Variants in EPHA1 observed in about 807,000 individuals in gnomAD.
EPHA1 encodes EPH receptor A1.
EPHA1 carries 92 observed loss-of-function variants against 110.1 expected under a neutral mutation model. The ratio of observed to expected loss-of-function variants is 0.84; its 90% CI spans 0.71 to 0.99. The LOEUF (loss-of-function observed/expected upper bound fraction) is 0.99, where lower values mean the gene tolerates loss of function less well. EPHA1 is among the 50% of genes least tolerant of loss of function. The pLI, the probability that EPHA1 is intolerant of heterozygous loss-of-function variation, is 0.00. For synonymous variants in EPHA1, 500 were observed against 516.1 expected (o/e 0.97, Z 0.42); for missense variants, 1,204 against 1,285.4 (o/e 0.94, Z 0.97).
chr7:143,402,636 T>C (rs1805454630), intron 2 of EPHA1, among the ~76,000 whole-genome samples: 1 of 152,210 alleles, frequency 6.6e-6, no homozygotes, highest in Admixed American at 6.5e-5. Context: ...AAAAGAACTT[T>C]TAAACTTAGT....
rs746581251 is a variant in EPHA1 at position 143,394,841 on chromosome 7, G to A, written c.2319C>T (p.Leu773=). Residue 773 remains leucine, a synonymous_variant, in exon 14 of 18, where the codon CTC becomes CTT. Coordinates refer to ENST00000275815, the MANE Select transcript of EPHA1 (RefSeq NM_005232.5). ...CGTATGTGCCATCAAAGTCATCCAG[G>A]AGGCGAGTCAGGCCAAAGTCAGACA... is the stretch of plus-strand genomic sequence containing the variant. ...CKVSDFGLTR[L]LDDFDGTYET... 1.2e-6 allele frequency: 2 copies of A among 1,614,150 alleles called. No individual in the cohort carries two copies. Among genetic ancestry groups the A allele is most frequent in the East Asian group, 4.5e-5 (2 of 44,886 alleles).
In EPHA1 at chr7:143,393,712, G is replaced by A. The variant is rs1429451723; in HGVS notation, c.2655C>T (p.Ala885=). The A allele has an allele frequency of 1.9e-6, 3 of 1,613,818 alleles. No homozygotes were observed. The highest frequency in any genetic ancestry group is 2.5e-6 in the Non-Finnish European group (3 of 1,179,982). Residue 885 remains alanine, a synonymous_variant, in exon 16 of 18, where the codon GCC becomes GCT. Coordinates refer to ENST00000275815, the MANE Select transcript of EPHA1 (RefSeq NM_005232.5). This position sits in a 1 kb window ranked among gnomAD's most constrained non-coding sequence, Gnocchi z 5.6. Reference sequence around the variant, plus strand: ...CAATGGTCCGCAGGGAGTGGGGGTTGGCAAGCAGTTGCTCCAGATGTGCCT... The same window carrying A: ...CAATGGTCCGCAGGGAGTGGGGGTTAGCAAGCAGTTGCTCCAGATGTGCCT... ...KLQAHLEQLL[A]NPHSLRTIAN... is the part of the protein sequence containing the mutation.
chr7:143,393,662 C>T lies in EPHA1; in HGVS notation c.2696+9G>A. ...TCTGGGTTCCCTAGTCCTTCCCCTGCATGGTTACCTGGGGTCAAAGTTGGC... is the reference window on the plus strand; with the variant it reads ...TCTGGGTTCCCTAGTCCTTCCCCTGTATGGTTACCTGGGGTCAAAGTTGGC... On this transcript the variant is annotated intron_variant, in intron 16 of 17. Transcript: ENST00000275815. The surrounding 1 kb of genome is among the most constrained non-coding windows in gnomAD (Gnocchi z 5.6). 6.2e-7 allele frequency: 1 copy of T among 1,612,412 alleles called. No individual in the cohort carries two copies. The highest frequency in any genetic ancestry group is 8.5e-7 in the Non-Finnish European group (1 of 1,179,434).
In EPHA1 at chr7:143,399,892, C is replaced by T. The variant is rs1247923487; in HGVS notation, c.594G>A (p.Arg198=). 1 of 1,609,854 alleles carries T rather than the reference C, an allele frequency of 6.2e-7. No homozygotes were observed. Among genetic ancestry groups the T allele is most frequent in the Non-Finnish European group, 8.5e-7 (1 of 1,178,062 alleles). Residue 198 remains arginine, a synonymous_variant, in exon 4 of 18, where the codon CGG becomes CGA. Transcript: ENST00000275815. Reference sequence around the variant, plus strand: ...TCTCAGGACAGCGCTGGTAGAAGACCCGGACAGACACCAGGGCCACACAGG... The same window carrying T: ...TCTCAGGACAGCGCTGGTAGAAGACTCGGACAGACACCAGGGCCACACAGG... ...PGACVALVSV[R]VFYQRCPETL...
Position 143,408,734 on chromosome 7 carries a change from G to C in EPHA1, c.72C>G (p.Arg24=), listed in dbSNP as rs1305302971. 1.1e-6 allele frequency: 1 copy of C among 933,504 alleles called. No individual in the cohort carries two copies. Among genetic ancestry groups the C allele is most frequent in the Non-Finnish European group, 1.4e-6 (1 of 718,936 alleles). 57.8% of individuals were successfully genotyped at this position (933,504 alleles called of 1,614,324 possible). A position where few individuals can be genotyped will look rare whatever the true frequency, so the allele number is the denominator to read the frequency against. The change falls in exon 1 of 18, where the codon CGC becomes CGG. Residue 24 remains arginine, a synonymous_variant. Transcript: ENST00000275815. The stretch of plus-strand genomic sequence containing the variant: ...GGCGGGGGTCGGTACCTTCCTTGGC[G>C]CGCGCCCCCGGGGGCAGCGGGGCGC... The part of the protein sequence containing the change: ...LLCAPLPPGA[R]AKEVTLMDTS...
rs751261760 is a variant in EPHA1 at position 143,393,871 on chromosome 7, G to C, written c.2503-7C>G. 2.6e-6 allele frequency: 4 copies of C among 1,539,350 alleles called. No homozygotes were observed. Among genetic ancestry groups the C allele is most frequent in the South Asian group, 1.3e-5 (1 of 78,898 alleles). Reference sequence around the variant, plus strand: ...CCTCAATGCTCTTCATAACCTGCACGGCGGGACAGGAGGATGCTCTAGAGT... The same window carrying C: ...CCTCAATGCTCTTCATAACCTGCACCGCGGGACAGGAGGATGCTCTAGAGT... On this transcript the variant is annotated splice_polypyrimidine_tract_variant and splice_region_variant and intron_variant, in intron 15 of 17. Coordinates refer to ENST00000275815, the MANE Select transcript of EPHA1 (RefSeq NM_005232.5). This position sits in a 1 kb window ranked among gnomAD's most constrained non-coding sequence, Gnocchi z 5.6.
At chr7:143,397,061 G>C (rs1805271716) in intron 10 of EPHA1, among the ~76,000 whole-genome samples, 1 of 152,156 alleles carries the variant, frequency 6.6e-6, no homozygotes, top group African/African-American at 2.4e-5. Flanking sequence ...GCAGTGAACG[G>C]ACACTAACAG....
In EPHA1 at chr7:143,401,221, T is replaced by C; in HGVS notation, c.432+103A>G. 6.9e-7 allele frequency: 1 copy of C among 1,439,432 alleles called. No individual in the cohort carries two copies. Among genetic ancestry groups the C allele is most frequent in the East Asian group, 2.3e-5 (1 of 43,800 alleles). The allele number at this position is 1,439,432 out of a possible 1,614,324, so 89.2% of individuals were successfully genotyped here. Reference sequence around the variant, plus strand: ...AAGCGCCAAATTCTTTTCAAGATTCTACCTCTGCACCCTCTTCCTGTCTCT... The same window carrying C: ...AAGCGCCAAATTCTTTTCAAGATTCCACCTCTGCACCCTCTTCCTGTCTCT... On this transcript the variant is annotated intron_variant, in intron 3 of 17. Coordinates refer to ENST00000275815, the MANE Select transcript of EPHA1 (RefSeq NM_005232.5). The surrounding 1 kb of genome is among the most constrained non-coding windows in gnomAD (Gnocchi z 4.1).
Position 143,394,263 on chromosome 7 carries a change from G to A in EPHA1, c.2433C>T (p.Ser811=). ...RIFTTASDVW[S]FGIVMWEVLS... ...GCACCTCCCACATCACAATCCCAAA[G>A]CTCCACACATCGCTGGCTGTGGTGA... The change falls in exon 15 of 18, where the codon AGC becomes AGT. Residue 811 remains serine, a synonymous_variant. Transcript: ENST00000275815. 5 of 1,614,028 alleles carry A rather than the reference G, an allele frequency of 3.1e-6. No homozygotes were observed. Among genetic ancestry groups the A allele is most frequent in the Middle Eastern group, 3.3e-4 (2 of 6,062 alleles).
At chr7:143,404,064 T>C (rs1805485304) in intron 2 of EPHA1, among the ~76,000 whole-genome samples, 1 of 152,222 alleles carries the variant, frequency 6.6e-6, no homozygotes, top group South Asian at 2.1e-4. Context: ...AGTATTTCCC[T>C]TCATGATTTC....
chr7:143,401,248 C>A lies in EPHA1; in HGVS notation c.432+76G>T. 1 of 1,550,502 alleles carries A rather than the reference C, an allele frequency of 6.4e-7. No individual in the cohort carries two copies. Among genetic ancestry groups the A allele is most frequent in the South Asian group, 1.2e-5 (1 of 82,262 alleles). ...CCTCTGCACCCTCTTCCTGTCTCTG[C>A]AACCTTCTCTGGCACCCAATAAGGA... On this transcript the variant is annotated intron_variant, in intron 3 of 17. Transcript: ENST00000275815. The surrounding 1 kb of genome is among the most constrained non-coding windows in gnomAD (Gnocchi z 4.1).
At chr7:143,407,823 G>A in intron 1 of EPHA1, 145 bp from the exon 2 acceptor site, 1 of 676,292 alleles carries the variant, frequency 1.5e-6, no homozygotes, top group South Asian at 1.9e-5. Context: ...GGGAGAAAAA[G>A]GGCTCAGGAC....
In EPHA1 at chr7:143,399,823, G is replaced by A. The variant is rs370645290; in HGVS notation, c.663C>T (p.Pro221=). 1.7e-5 allele frequency: 28 copies of A among 1,610,362 alleles called. No individual in the cohort carries two copies. Among genetic ancestry groups the A allele is most frequent in the South Asian group, 2.2e-5 (2 of 90,636 alleles). Reference sequence around the variant, plus strand: ...TCCCCGCCACTTCCACCAACCCAGCGGGGCCAGGCAGAGTGTCTGGGAATT... The same window carrying A: ...TCCCCGCCACTTCCACCAACCCAGCAGGGCCAGGCAGAGTGTCTGGGAATT... The part of the protein sequence containing the change: ...LAQFPDTLPG[P]AGLVEVAGTC... Residue 221 remains proline (P), a synonymous_variant, in exon 4 of 18, where the codon CCC becomes CCT. Transcript: ENST00000275815.
chr7:143,405,186 C>A (rs112954145), intron 2 of EPHA1, among the ~76,000 whole-genome samples: 2 of 151,948 alleles, frequency 1.3e-5, no homozygotes, highest in East Asian at 3.9e-4. Flanking sequence ...AAGGCACTGG[C>A]GGGGGTCAGG....
chr7:143,391,492 G>C lies in EPHA1; in HGVS notation c.2896C>G (p.Arg966Gly). The stretch of plus-strand genomic sequence containing the variant: ...AATCCCTGAATACTGCAAAGAATGC[G>C]CTTCTGGTGCCCGGGCAGTGTGATT... ...MGITLPGHQKRILCSIQGFKD is the reference protein window; with the variant it reads ...MGITLPGHQKGILCSIQGFKD The change falls in exon 18 of 18, where the codon CGC becomes GGC. Residue 966 changes from arginine (R) to glycine (G), a missense_variant. By Grantham distance (125) the Arg-to-Gly change is moderately radical. Coordinates refer to ENST00000275815, the MANE Select transcript of EPHA1 (RefSeq NM_005232.5). The C allele has an allele frequency of 1.9e-6, 3 of 1,614,170 alleles. No individual in the cohort carries two copies.
At position 143,391,603 on chromosome 7, in the gene EPHA1, C is replaced by T. The variant is rs1244392208; in HGVS notation, c.2852+17G>A. The T allele has an allele frequency of 3.7e-6, 6 of 1,614,072 alleles. No homozygotes were observed. Among genetic ancestry groups the T allele is most frequent in the African/African-American group, 2.7e-5 (2 of 74,942 alleles). On this transcript the variant is annotated intron_variant, in intron 17 of 17. Coordinates refer to ENST00000275815, the MANE Select transcript of EPHA1 (RefSeq NM_005232.5). ...CCCCCGCAGCCCTCCCCTGCCCAGA[C>T]AGCTCCAGCTCCTTACTCAGCGGTC... is the stretch of plus-strand genomic sequence containing the variant.
intron 10 of EPHA1, among the ~76,000 whole-genome samples, chr7:143,396,981 C>T (rs1334504556): frequency 3.3e-5 from 5 of 152,182 alleles, no homozygotes; most frequent in Admixed American, 1.3e-4. Flanking sequence ...CGCCTGGCCT[C>T]GGCCCACAGC....
chr7:143,399,990 G>T lies in EPHA1; in HGVS notation c.496C>A (p.Leu166Met). 6.2e-7 allele frequency: 1 copy of T among 1,613,962 alleles called. No individual in the cohort carries two copies. Among genetic ancestry groups the T allele is most frequent in the Non-Finnish European group, 8.5e-7 (1 of 1,179,980 alleles). Reference sequence around the variant, plus strand: ...CCCAGAGAGCAGCGCTCCACATTCAGCTTCACGGAGCCAGACACAAGGTCT... The same window carrying T: ...CCCAGAGAGCAGCGCTCCACATTCATCTTCACGGAGCCAGACACAAGGTCT... ...IRDLVSGSVK[L>M]NVERCSLGRL... Residue 166 changes from leucine to methionine, a missense_variant, in exon 4 of 18, where the codon CTG becomes ATG. By Grantham distance (15) the Leu-to-Met change is conservative. Transcript: ENST00000275815.
Position 143,391,725 on chromosome 7 carries a change from C to G in EPHA1, c.2747G>C (p.Arg916Pro). Residue 916 changes from arginine to proline, a missense_variant, in exon 17 of 18, where the codon CGA becomes CCA. Coordinates refer to ENST00000275815, the MANE Select transcript of EPHA1 (RefSeq NM_005232.5). The stretch of plus-strand genomic sequence containing the variant: ...GGACTCGAGCCACTCAGAGACGGTT[C>G]GATATGGGATCCCATCTGAGCCACT... ...SLSGSDGIPY[R>P]TVSEWLESIR... 6.2e-7 allele frequency: 1 copy of G among 1,613,942 alleles called. No homozygotes were observed. The highest frequency in any genetic ancestry group is 1.1e-5 in the South Asian group (1 of 91,068).
Sources: allele counts gnomAD v4.1 joint callset (sites outside exome capture counted in the v4.1 genomes callset), GRCh38; gene constraint gnomAD v4.1.1; non-coding constraint Gnocchi (gnomAD v3.1); transcripts MANE v1.5; gene names NCBI Gene and HGNC (gene_info 2026-07-23, HGNC 2026-07-21).